The following PTBP2 variants were observed in gnomAD, a reference collection of about 807,000 sequenced individuals.
PTBP2 encodes the protein polypyrimidine tract binding protein 2.
A neutral mutation model predicts 61.4 loss-of-function variants in PTBP2; 13 were observed. The observed-to-expected ratio is 0.21, with a 90% CI of 0.14 to 0.34. The LOEUF is 0.34. Ranked by LOEUF, PTBP2 falls within the 10% of genes least tolerant of loss-of-function variation. The pLI is 1.00. For synonymous variants in PTBP2, 215 were observed against 218.5 expected, an observed-to-expected ratio of 0.98 and a Z score of 0.14; for missense variants, 405 against 642.6, an observed-to-expected ratio of 0.63 and a Z score of 4.00.
chr1:96,778,635 T>C (rs1570917075), intron 7 of PTBP2, among the ~76,000 whole-genome samples: 1 of 152,248 alleles, frequency 6.6e-6, no homozygotes, highest in East Asian at 1.9e-4. Context: ...TTATTATTAC[T>C]ATTCCATTAT....
intron 2 of PTBP2, among the ~76,000 whole-genome samples, chr1:96,725,447 C>G (rs1650285766): frequency 6.6e-6 from 1 of 151,820 alleles, no homozygotes; most frequent in Admixed American, 6.6e-5. Flanking sequence ...CTACAGGCGC[C>G]CACCACCACG....
chr1:96,794,247 C>G (rs2101118992), intron 8 of PTBP2, among the ~76,000 whole-genome samples: 1 of 152,250 alleles, frequency 6.6e-6, no homozygotes, highest in East Asian at 1.9e-4. Context: ...CTATGGTAAT[C>G]AACTCCAGCC....
chr1:96,730,318 T>C (rs1651225319), intron 2 of PTBP2, among the ~76,000 whole-genome samples: 1 of 152,212 alleles, frequency 6.6e-6, no homozygotes, highest in South Asian at 2.1e-4. Context: ...CTTAGTACTT[T>C]TACTTATATA....
At chr1:96,789,000 G>T (rs1659497470) in intron 8 of PTBP2, among the ~76,000 whole-genome samples, 1 of 152,020 alleles carries the variant, frequency 6.6e-6, no homozygotes, top group Admixed American at 6.5e-5. Context: ...AGAACACAGT[G>T]ATCAAAAATC....
exon 14 of PTBP2, chr1:96,823,444 G>C (rs1662745822): frequency 6.6e-6 from 1 of 151,958 alleles, no homozygotes; most frequent in Non-Finnish European, 1.5e-5. Flanking sequence ...TGGTTGAGTA[G>C]AAAGAATTAA....
rs144797687 is a variant in PTBP2 at position 96,753,177 on chromosome 1, A to G, written c.115+1677A>G. Among the ~76,000 whole-genome samples the G allele has an allele frequency of 2.1e-4, 32 of 152,314 alleles. No homozygotes were observed. In the East Asian group the frequency reaches 5.8e-3, roughly 28 times the overall value. On this transcript the variant is annotated intron_variant, in intron 3 of 13. Coordinates refer to ENST00000674951, the MANE Select transcript of PTBP2 (RefSeq NM_021190.4). ...CATGTGTGCAGGTTGAGGCTTTGCC[A>G]GGTCTGTCAGAAATTGTCTGCTCTG...
intron 2 of PTBP2, among the ~76,000 whole-genome samples, chr1:96,739,288 T>A (rs550802545): frequency 6.6e-6 from 1 of 152,216 alleles, no homozygotes; most frequent in African/African-American, 2.4e-5. Flanking sequence ...TAACTTGATA[T>A]AAATCTTTTT....
At chr1:96,784,751 T>G (rs1226404984) in intron 7 of PTBP2, among the ~76,000 whole-genome samples, 1 of 152,154 alleles carries the variant, frequency 6.6e-6, no homozygotes, top group Non-Finnish European at 1.5e-5. Context: ...ACTTCCTGTT[T>G]GTGATCCTTA....
intron 5 of PTBP2, 60 bp downstream of exon 5, chr1:96,770,911 A>G (rs770862375): frequency 1.4e-6 from 2 of 1,387,492 alleles, no homozygotes; most frequent in African/African-American, 1.4e-5. Flanking sequence ...TCTCATAAAC[A>G]TTAATAGGAA....
In PTBP2 at chr1:96,785,054, T is replaced by C. The variant is rs1659075424; in HGVS notation, c.709-5T>C. 1.3e-6 allele frequency: 2 copies of C among 1,536,374 alleles called. No homozygotes were observed. Among genetic ancestry groups the C allele is most frequent in the Middle Eastern group, 1.7e-4 (1 of 5,908 alleles). ...ATTGCTGATATGCTTTATTCACTTT[T>C]ACAGGCCCTAGATGGTCAGAATATT... On this transcript the variant is annotated splice_polypyrimidine_tract_variant and splice_region_variant and intron_variant, in intron 7 of 13. Coordinates refer to ENST00000674951, the MANE Select transcript of PTBP2 (RefSeq NM_021190.4).
At chr1:96,809,032 T>G (rs1039186802) in intron 11 of PTBP2, among the ~76,000 whole-genome samples, 1 of 152,162 alleles carries the variant, frequency 6.6e-6, no homozygotes, top group Non-Finnish European at 1.5e-5. Context: ...TTAAATACCT[T>G]TATTAACTTA....
chr1:96,769,412 C>A (rs760219126), intron 3 of PTBP2, among the ~76,000 whole-genome samples: 25 of 151,894 alleles, frequency 1.6e-4, no homozygotes, highest in Non-Finnish European at 3.1e-4. Context: ...TGGACAGTTT[C>A]TTTATGAGAT....
At chr1:96,757,434 C>G (rs943429145) in intron 3 of PTBP2, among the ~76,000 whole-genome samples, 2 of 152,050 alleles carry the variant, frequency 1.3e-5, no homozygotes, top group African/African-American at 4.8e-5. Flanking sequence ...AATAACAAAT[C>G]AAAGTATATT....
chr1:96,738,341 T>G (rs980083692), intron 2 of PTBP2, among the ~76,000 whole-genome samples: 5 of 152,148 alleles, frequency 3.3e-5, no homozygotes, highest in African/African-American at 1.2e-4. Context: ...TTGCCCAGGC[T>G]GGAGTGCAGT....
chr1:96,733,949 ATTG>A (rs1327840146), intron 2 of PTBP2, among the ~76,000 whole-genome samples: 1 of 152,150 alleles, frequency 6.6e-6, no homozygotes, highest in Non-Finnish European at 1.5e-5. Context: ...GAGTCTCTAT[ATTG>A]TTAATTATTT....
intron 8 of PTBP2, among the ~76,000 whole-genome samples, chr1:96,801,176 TC>T (rs1660957271): frequency 6.6e-6 from 1 of 152,172 alleles, no homozygotes; most frequent in South Asian, 2.1e-4. Flanking sequence ...TTATACTTTT[TC>T]CTGAGATTTC....
intron 11 of PTBP2, among the ~76,000 whole-genome samples, chr1:96,809,553 C>T (rs1170642653): frequency 2.0e-5 from 3 of 152,028 alleles, no homozygotes; most frequent in African/African-American, 7.2e-5. Context: ...TGCTCTGTCC[C>T]CCAGGGTGGA....
At chr1:96,724,239 A>G (rs972074904) in intron 2 of PTBP2, among the ~76,000 whole-genome samples, 5 of 144,620 alleles carry the variant, frequency 3.5e-5, no homozygotes, top group African/African-American at 1.2e-4. Flanking sequence ...GTCATGATGT[A>G]TTGTAATTTT....
At chr1:96,722,071 G>A in intron 1 of PTBP2, among the ~76,000 whole-genome samples, 199 bp downstream of exon 1, 1 of 152,162 alleles carries the variant, frequency 6.6e-6, no homozygotes, top group East Asian at 1.9e-4. Flanking sequence ...AAGAAAGCGG[G>A]CTTGGAGGCT....
Sources: allele counts gnomAD v4.1 joint callset (sites outside exome capture counted in the v4.1 genomes callset), GRCh38; gene constraint gnomAD v4.1.1; transcripts MANE v1.5; gene names NCBI Gene and HGNC (gene_info 2026-07-23, HGNC 2026-07-21).